Variants in HERC1 observed in about 807,000 individuals in gnomAD.
HERC1 encodes probable E3 ubiquitin-protein ligase HERC1.
In HERC1, 160 loss-of-function variants were observed where a neutral mutation model predicts 554.3. That is an observed-to-expected ratio of 0.29 (90% CI 0.25 to 0.33). The LOEUF is 0.33. Ranked by LOEUF, HERC1 falls within the 10% of genes least tolerant of loss-of-function variation. The probability of loss-of-function intolerance (pLI) is 1.00; values close to 1 mark genes in which losing one functional copy is unlikely to be tolerated. For missense variants in HERC1, 4,919 were observed against 5,918.5 expected (o/e 0.83, Z 5.54); for synonymous variants, 2,175 against 2,131.7 (o/e 1.02, Z -0.56).
chr15:63,674,794 G>A lies in HERC1; in HGVS notation c.7394C>T (p.Ser2465Leu), dbSNP rs1289127541. Residue 2465 changes from serine to leucine, a missense_variant, in exon 38 of 78, where the codon TCA (serine) becomes TTA (leucine). This residue lies in a region of HERC1 where 1,963 missense variants were observed against 2,228.6 expected (regional missense o/e 0.88). Coordinates refer to ENST00000443617, the MANE Select transcript of HERC1 (RefSeq NM_003922.4). ...TGGCAGTGTTGGATCTAAAGAAAAT[G>A]AAGCGATTTCATTTTCTGATTTGGA... is the stretch of plus-strand genomic sequence containing the variant. ...TSSKSENEIA[S>L]FSLDPTLPSV... 6 of 1,613,814 alleles carry A rather than the reference G, an allele frequency of 3.7e-6. No individual in the cohort carries two copies. The highest frequency in any genetic ancestry group is 4.2e-6 in the Non-Finnish European group (5 of 1,179,874).
chr15:63,644,842 G>A (rs2069250184), intron 57 of HERC1, 150 bp downstream of exon 57: 1 of 597,170 alleles, frequency 1.7e-6, no homozygotes, highest in Non-Finnish European at 3.0e-6. Flanking sequence ...AAAAAATTAA[G>A]CTAATTCAGG....
At chr15:63,675,898 T>C (rs1424550173) in intron 37 of HERC1, among the ~76,000 whole-genome samples, 1 of 149,400 alleles carries the variant, frequency 6.7e-6, no homozygotes, top group Non-Finnish European at 1.5e-5. Context: ...CTATACTGTA[T>C]ACATCTTTTT....
chr15:63,718,439 C>G lies in HERC1; in HGVS notation c.3978+135G>C. 1 of 663,386 alleles carries G rather than the reference C, an allele frequency of 1.5e-6. No individual in the cohort carries two copies. Among genetic ancestry groups the G allele is most frequent in the Non-Finnish European group, 2.2e-6 (1 of 448,904 alleles). 41.1% of individuals were successfully genotyped at this position (663,386 alleles called of 1,614,324 possible). Reference sequence around the variant, plus strand: ...AAATCTTTTCCTTTTTTTTTTTCTGCTAGGAAAAGAACTACTCAACATGTA... The same window carrying G: ...AAATCTTTTCCTTTTTTTTTTTCTGGTAGGAAAAGAACTACTCAACATGTA... On this transcript the variant is annotated intron_variant, in intron 21 of 77. Coordinates refer to ENST00000443617, the MANE Select transcript of HERC1 (RefSeq NM_003922.4). This position sits in a 1 kb window ranked among gnomAD's most constrained non-coding sequence, Gnocchi z 4.2.
In HERC1 at chr15:63,727,191, A is replaced by C. The variant is rs942456974; in HGVS notation, c.3346+456T>G. Among the ~76,000 whole-genome samples, 1 of 152,092 alleles carries C rather than the reference A, an allele frequency of 6.6e-6. No homozygotes were observed. Among genetic ancestry groups the C allele is most frequent in the East Asian group, 1.9e-4 (1 of 5,192 alleles). Reference sequence around the variant, plus strand: ...CTCAGGAGGTTGAGCCAGGAGAATCACTTGAACCCGGGAGGCAGAGGTTGC... The same window carrying C: ...CTCAGGAGGTTGAGCCAGGAGAATCCCTTGAACCCGGGAGGCAGAGGTTGC... On this transcript the variant is annotated intron_variant, in intron 17 of 77. Transcript: ENST00000443617. The surrounding 1 kb of genome is among the most constrained non-coding windows in gnomAD (Gnocchi z 4.3).
intron 1 of HERC1, among the ~76,000 whole-genome samples, chr15:63,783,498 C>T (rs922404034): frequency 2.6e-5 from 4 of 152,040 alleles, no homozygotes; most frequent in Non-Finnish European, 5.9e-5. Flanking sequence ...GTATACGGTA[C>T]ACATAACCTT....
intron 24 of HERC1, among the ~76,000 whole-genome samples, chr15:63,710,722 T>A (rs994638305): frequency 1.3e-5 from 2 of 152,106 alleles, no homozygotes; most frequent in African/African-American, 4.8e-5. Context: ...ACAGGCTTCA[T>A]GGAAAAAGTA....
At chr15:63,764,673 G>A (rs1330621129) in intron 2 of HERC1, among the ~76,000 whole-genome samples, 1 of 152,168 alleles carries the variant, frequency 6.6e-6, no homozygotes, top group East Asian at 1.9e-4. Context: ...CAAGGTCCCA[G>A]TGTTACAGTG....
At position 63,758,157 on chromosome 15, in the gene HERC1, G is replaced by A; in HGVS notation, c.1221+18C>T. 1 of 1,564,088 alleles carries A rather than the reference G, an allele frequency of 6.4e-7. No individual in the cohort carries two copies. Among genetic ancestry groups the A allele is most frequent in the Non-Finnish European group, 8.8e-7 (1 of 1,140,256 alleles). Reference sequence around the variant, plus strand: ...CACCAGATTATCTACCAGTTTGTAAGCTATTTAGAAAACTTACGGTCTGTG... The same window carrying A: ...CACCAGATTATCTACCAGTTTGTAAACTATTTAGAAAACTTACGGTCTGTG... On this transcript the variant is annotated intron_variant, in intron 4 of 77. Coordinates refer to ENST00000443617, the MANE Select transcript of HERC1 (RefSeq NM_003922.4). This position sits in a 1 kb window ranked among gnomAD's most constrained non-coding sequence, Gnocchi z 4.0.
chr15:63,778,955 G>C (rs777982230), intron 1 of HERC1, among the ~76,000 whole-genome samples: 85 of 151,852 alleles, frequency 5.6e-4, no homozygotes, highest in African/African-American at 1.4e-3. Context: ...AGAAGAAAAG[G>C]AAAGGAAGAA....
At chr15:63,766,657 A>G (rs1290677278) in intron 2 of HERC1, among the ~76,000 whole-genome samples, 2 of 152,250 alleles carry the variant, frequency 1.3e-5, no homozygotes, top group African/African-American at 2.4e-5. Context: ...TTCGTAATAC[A>G]TTAAAGGTTA....
At chr15:63,633,749 A>G in intron 67 of HERC1, 99 bp downstream of exon 67, 2 of 1,287,618 alleles carry the variant, frequency 1.6e-6, no homozygotes, top group Non-Finnish European at 2.1e-6. Flanking sequence ...TGAACTACCA[A>G]AAGTACTAAA....
At position 63,640,432 on chromosome 15, in the gene HERC1, C is replaced by G; in HGVS notation, c.11621G>C (p.Cys3874Ser). Residue 3874 changes from cysteine to serine, a missense_variant, in exon 61 of 78, where the codon TGT becomes TCT. Around this residue, in one of 11 missense-constraint regions of HERC1, gnomAD observed 1,963 missense variants for 2,228.6 expected, o/e 0.88. Coordinates refer to ENST00000443617, the MANE Select transcript of HERC1 (RefSeq NM_003922.4). ...GGGGCTATGAACAAGTTGGTCACCA[C>G]AAACCACATGAGGCTAAAACAAAAT... ...QYAYEKPHVV[C>S]GDQLVHSPYM... is the part of the protein sequence containing the mutation. The G allele has an allele frequency of 6.2e-7, 1 of 1,613,178 alleles. No homozygotes were observed. The highest frequency in any genetic ancestry group is 8.5e-7 in the Non-Finnish European group (1 of 1,179,328).
At position 63,678,375 on chromosome 15, in the gene HERC1, A is replaced by C; in HGVS notation, c.6550-10T>G. ...TATCACAAATTTTCACCTATATAAA[A>C]GTAAAGAGGGTGGAAAACACATGCT... On this transcript the variant is annotated splice_polypyrimidine_tract_variant and intron_variant, in intron 36 of 77. Coordinates refer to ENST00000443617, the MANE Select transcript of HERC1 (RefSeq NM_003922.4). 6.4e-7 allele frequency: 1 copy of C among 1,570,530 alleles called. No individual in the cohort carries two copies.
chr15:63,664,450 G>T lies in HERC1; in HGVS notation c.8680+20C>A. ...AAATAAGATCTTTCACAAAGAAAAGGATACGGAACATAAAATTACCTGCTC... is the reference window on the plus strand; with the variant it reads ...AAATAAGATCTTTCACAAAGAAAAGTATACGGAACATAAAATTACCTGCTC... On this transcript the variant is annotated intron_variant, in intron 43 of 77. Transcript: ENST00000443617. 1 of 1,589,862 alleles carries T rather than the reference G, an allele frequency of 6.3e-7. No individual in the cohort carries two copies.
chr15:63,725,521 C>T lies in HERC1; in HGVS notation c.3347-8G>A. Reference sequence around the variant, plus strand: ...CAATTAGTTCTGGCCCTCCTAAAGACAAAATCATTAGTTATTGTGTCTTTA... The same window carrying T: ...CAATTAGTTCTGGCCCTCCTAAAGATAAAATCATTAGTTATTGTGTCTTTA... On this transcript the variant is annotated splice_polypyrimidine_tract_variant and splice_region_variant and intron_variant, in intron 17 of 77. Coordinates refer to ENST00000443617, the MANE Select transcript of HERC1 (RefSeq NM_003922.4). The T allele has an allele frequency of 6.2e-7, 1 of 1,608,700 alleles. No individual in the cohort carries two copies. The highest frequency in any genetic ancestry group is 8.5e-7 in the Non-Finnish European group (1 of 1,175,460).
rs766192031 is a variant in HERC1, at chr15:63,692,579, G to T, written c.5675-13C>A. 6.3e-7 allele frequency: 1 copy of T among 1,586,578 alleles called. No individual in the cohort carries two copies. The highest frequency in any genetic ancestry group is 1.2e-5 in the South Asian group (1 of 86,068). On this transcript the variant is annotated splice_polypyrimidine_tract_variant and intron_variant, in intron 30 of 77. Coordinates refer to ENST00000443617, the MANE Select transcript of HERC1 (RefSeq NM_003922.4). This position sits in a 1 kb window ranked among gnomAD's most constrained non-coding sequence, Gnocchi z 4.7. ...TTCCTAAGAGCAGCTACAGTGAAGA[G>T]ACAAGTTTACGTTACAACCAAGAGC...
chr15:63,699,592 C>T (rs2072612918), intron 25 of HERC1, among the ~76,000 whole-genome samples: 1 of 152,184 alleles, frequency 6.6e-6, no homozygotes, highest in South Asian at 2.1e-4. Context: ...GTGTCATGTG[C>T]ATATTTACTG....
In HERC1 at chr15:63,674,379, C is replaced by G; in HGVS notation, c.7809G>C (p.Gly2603=). The G allele has an allele frequency of 1.2e-6, 2 of 1,613,198 alleles. No homozygotes were observed. The highest frequency in any genetic ancestry group is 2.2e-5 in the South Asian group (2 of 91,032). Residue 2603 remains glycine (G), a synonymous_variant, in exon 38 of 78, where the codon GGG becomes GGC. Coordinates refer to ENST00000443617, the MANE Select transcript of HERC1 (RefSeq NM_003922.4). The part of the protein sequence containing the change: ...QAMIYKLVVH[G]LLEDQFGGKI... ...TGCCCCCAAACTGGTCTTCCAAAAGCCCATGAACCACTAATTTATAGATCA... is the reference window on the plus strand; with the variant it reads ...TGCCCCCAAACTGGTCTTCCAAAAGGCCATGAACCACTAATTTATAGATCA...
In HERC1 at chr15:63,648,065, T is replaced by A. The variant is rs1472023987; in HGVS notation, c.10878+4A>T. On this transcript the variant is annotated splice_donor_region_variant and intron_variant, in intron 55 of 77. Transcript: ENST00000443617. ...AAAATTACGTTTTTTAAAGATGCAT[T>A]TACCTTATGTGCATCAATTAGAACA... The A allele has an allele frequency of 6.4e-7, 1 of 1,551,850 alleles. No individual in the cohort carries two copies. Among genetic ancestry groups the A allele is most frequent in the East Asian group, 2.4e-5 (1 of 41,268 alleles).
Sources: allele counts gnomAD v4.1 joint callset (sites outside exome capture counted in the v4.1 genomes callset), GRCh38; gene constraint gnomAD v4.1.1; regional missense constraint gnomAD v4.1.1; non-coding constraint Gnocchi (gnomAD v3.1); transcripts MANE v1.5; gene names NCBI Gene and HGNC (gene_info 2026-07-23, HGNC 2026-07-21).